The following CNTLN variants were observed in gnomAD, a reference collection of about 807,000 sequenced individuals.
The protein encoded by CNTLN is centlein, centrosomal protein.
In CNTLN, 212 loss-of-function variants were observed where a neutral mutation model predicts 180.0. The ratio of observed to expected loss-of-function variants is 1.18; its 90% CI spans 1.05 to 1.32. The LOEUF (loss-of-function observed/expected upper bound fraction) is 1.32, where lower values mean the gene tolerates loss of function less well. Among genes scored for constraint, CNTLN ranks in the 40% most tolerant of loss-of-function variants. The pLI, the probability that CNTLN is intolerant of heterozygous loss-of-function variation, is 0.00. For synonymous variants in CNTLN, 722 were observed against 563.1 expected, an observed-to-expected ratio of 1.28 and a Z score of -3.99; for missense variants, 2,095 against 1,610.9, an observed-to-expected ratio of 1.30 and a Z score of -5.14.
At chr9:17,415,156 C>T (rs1306771369) in intron 16 of CNTLN, among the ~76,000 whole-genome samples, 4 of 151,758 alleles carry the variant, frequency 2.6e-5, no homozygotes, top group Non-Finnish European at 2.9e-5. Flanking sequence ...ATTGGTGAAA[C>T]GTTTTGAAAC....
intron 2 of CNTLN, among the ~76,000 whole-genome samples, chr9:17,172,108 C>T (rs1281112876): frequency 2.0e-5 from 3 of 151,730 alleles, no homozygotes; most frequent in African/African-American, 4.8e-5. Context: ...GAGGTTGCGG[C>T]GGGTGGCAGC....
At chr9:17,234,197 C>T (rs1824993039) in intron 3 of CNTLN, among the ~76,000 whole-genome samples, 1 of 152,030 alleles carries the variant, frequency 6.6e-6, no homozygotes, top group Non-Finnish European at 1.5e-5. Flanking sequence ...TGGCTCACAC[C>T]TGTTATCTCA....
chr9:17,401,082 C>T (rs1028189055), intron 15 of CNTLN, among the ~76,000 whole-genome samples: 1 of 152,114 alleles, frequency 6.6e-6, no homozygotes, highest in Non-Finnish European at 1.5e-5. Context: ...ATCGGTTTGT[C>T]TGTACTTTCT....
At chr9:17,208,585 T>A (rs1251760341) in intron 2 of CNTLN, among the ~76,000 whole-genome samples, 2 of 152,312 alleles carry the variant, frequency 1.3e-5, no homozygotes, top group African/African-American at 4.8e-5. Flanking sequence ...ATTTAAGCCA[T>A]TGGGTGCTGG....
chr9:17,494,796 G>T, intron 25 of CNTLN: 1 of 349,930 alleles, frequency 2.9e-6, no homozygotes, highest in Non-Finnish European at 5.6e-6. Flanking sequence ...AAAGTATAGC[G>T]TATACAATTA....
intron 5 of CNTLN, among the ~76,000 whole-genome samples, chr9:17,259,485 C>T (rs1294443680): frequency 1.3e-5 from 2 of 148,908 alleles, no homozygotes; most frequent in Non-Finnish European, 2.9e-5. Flanking sequence ...TGATGCTGGC[C>T]TCATAAAATG....
At position 17,135,427 on chromosome 9, in the gene CNTLN, T is replaced by C; in HGVS notation, c.360+2T>C. 1 of 1,592,094 alleles carries C rather than the reference T, an allele frequency of 6.3e-7. No homozygotes were observed. ...AAGGAGGAGTTGGCCCTGTGTCAGG[T>C]ATCGAGGAGTCTCGCAGTCCCCCTT... On this transcript the variant is annotated splice_donor_variant, in intron 1 of 25. Transcript: ENST00000380647. LOFTEE classifies it high-confidence loss of function.
At chr9:17,311,731 C>A (rs372997441) in intron 8 of CNTLN, among the ~76,000 whole-genome samples, 17 of 152,038 alleles carry the variant, frequency 1.1e-4, no homozygotes, top group African/African-American at 3.6e-4. Context: ...ATTGCTCCAA[C>A]GTGGGAGGCG....
At chr9:17,357,793 T>C (rs1323305750) in intron 12 of CNTLN, among the ~76,000 whole-genome samples, 1 of 151,562 alleles carries the variant, frequency 6.6e-6, no homozygotes, top group Admixed American at 6.6e-5. Context: ...TAAATAACCT[T>C]AACAATGTTG....
intron 13 of CNTLN, among the ~76,000 whole-genome samples, chr9:17,376,625 G>A (rs981940081): frequency 2.0e-5 from 3 of 151,830 alleles, no homozygotes; most frequent in African/African-American, 7.3e-5. Flanking sequence ...CTAATTTTTT[G>A]TATTTTTAGT....
intron 12 of CNTLN, among the ~76,000 whole-genome samples, chr9:17,365,417 T>C (rs1294865882): frequency 6.6e-6 from 1 of 152,126 alleles, no homozygotes; most frequent in Non-Finnish European, 1.5e-5. Flanking sequence ...AATTACGTAG[T>C]CTCAGGAGGT....
At chr9:17,463,133 C>T (rs1037357179) in intron 20 of CNTLN, 120 bp downstream of exon 20, 2 of 580,396 alleles carry the variant, frequency 3.4e-6, no homozygotes, top group Admixed American at 3.7e-5. Flanking sequence ...CATATTTAAA[C>T]CTACCTAAGA....
intron 2 of CNTLN, among the ~76,000 whole-genome samples, chr9:17,178,514 G>C (rs577041336): frequency 2.0e-5 from 3 of 152,268 alleles, no homozygotes; most frequent in East Asian, 3.9e-4. Context: ...AGCAGGGCGG[G>C]GGCGGGGGGT....
chr9:17,377,856 C>CT (rs1824907649), intron 13 of CNTLN, among the ~76,000 whole-genome samples: 1 of 152,106 alleles, frequency 6.6e-6, no homozygotes, highest in Admixed American at 6.6e-5. Flanking sequence ...TGAAAATTTA[C>CT]TTTTTTCAAC....
intron 2 of CNTLN, among the ~76,000 whole-genome samples, chr9:17,203,152 T>C (rs1052537557): frequency 6.6e-6 from 1 of 152,198 alleles, no homozygotes; most frequent in African/African-American, 2.4e-5. Flanking sequence ...TTAAGAATGT[T>C]GAATATTGGT....
intron 13 of CNTLN, among the ~76,000 whole-genome samples, chr9:17,371,510 C>T (rs1287664387): frequency 6.6e-6 from 1 of 152,112 alleles, no homozygotes; most frequent in African/African-American, 2.4e-5. Flanking sequence ...GACCCTAATT[C>T]AATGATAGCT....
At chr9:17,191,633 G>A (rs1821793410) in intron 2 of CNTLN, among the ~76,000 whole-genome samples, 1 of 152,134 alleles carries the variant, frequency 6.6e-6, no homozygotes, top group Non-Finnish European at 1.5e-5. Context: ...TGAAATTAAG[G>A]AATAATATAT....
At chr9:17,140,289 CAAAA>C (rs1817996595) in intron 1 of CNTLN, among the ~76,000 whole-genome samples, 1 of 152,090 alleles carries the variant, frequency 6.6e-6, no homozygotes, top group East Asian at 1.9e-4. Flanking sequence ...TTATTGTTCA[CAAAA>C]GAATTTACTG....
In CNTLN at chr9:17,395,043, C is replaced by G; in HGVS notation, c.2589C>G (p.Asp863Glu). 6.2e-7 allele frequency: 1 copy of G among 1,610,092 alleles called. No homozygotes were observed. The highest frequency in any genetic ancestry group is 8.5e-7 in the Non-Finnish European group (1 of 1,177,112). ...ATGTGTTTGAGAACCTCAGCAAGGA[C>G]GGCTGGGAGGATGTGAGTGAAAGCA... ...MSNVFENLSK[D>E]GWEDVSESSS... is the part of the protein sequence containing the mutation. Residue 863 changes from aspartate to glutamate, a missense_variant, in exon 15 of 26, where the codon GAC (aspartate) becomes GAG (glutamate). Transcript: ENST00000380647.
Sources: gnomAD v4.1 joint callset for allele counts (sites outside exome capture counted in the v4.1 genomes callset) on GRCh38, gnomAD v4.1.1 for gene constraint, MANE v1.5 for transcripts, NCBI Gene and HGNC (gene_info 2026-07-23, HGNC 2026-07-21) for gene names.